Variants in CFAP74 observed in about 807,000 individuals in gnomAD.
The protein encoded by CFAP74 is cilia and flagella associated protein 74.
A neutral mutation model predicts 188.9 loss-of-function variants in CFAP74; 124 were observed. The ratio of observed to expected loss-of-function variants is 0.66; its 90% CI spans 0.57 to 0.76. The LOEUF (loss-of-function observed/expected upper bound fraction) is 0.76. CFAP74 is among the 30% of genes least tolerant of loss of function. The pLI is 0.00. For synonymous variants in CFAP74, 956 were observed against 916.7 expected (o/e 1.04, Z -0.77); for missense variants, 2,198 against 2,165.2 (o/e 1.02, Z -0.30).
intron 10 of CFAP74, 93 bp downstream of exon 10, chr1:1,970,566 C>T (rs1655879260): frequency 2.2e-6 from 3 of 1,395,260 alleles, no homozygotes; most frequent in South Asian, 1.4e-5. Flanking sequence ...GAGAGAGCAG[C>T]TTTGCTCAAT....
chr1:1,968,913 C>T lies in CFAP74; in HGVS notation c.1047-80G>A. 2.2e-6 allele frequency: 3 copies of T among 1,354,890 alleles called. No individual in the cohort carries two copies. The highest frequency in any genetic ancestry group is 3.1e-6 in the Non-Finnish European group (3 of 971,718). The allele number at this position is 1,354,890 out of a possible 1,614,324, so 83.9% of individuals were successfully genotyped here. ...CCCAGATGAGACAGTGCCCGGCGGC[C>T]CCTCCCTAGCGCCCTCCTGGGGGCT... On this transcript the variant is annotated intron_variant, in intron 10 of 38. Coordinates refer to ENST00000682832, the MANE Select transcript of CFAP74 (RefSeq NM_001304360.2). The surrounding 1 kb of genome is among the most constrained non-coding windows in gnomAD (Gnocchi z 4.3).
At chr1:1,955,309 C>T (rs1050517579) in intron 18 of CFAP74, 116 of 1,254,588 alleles carry the variant, frequency 9.2e-5, no homozygotes, top group Non-Finnish European at 1.2e-4. Flanking sequence ...TTCTCGGCAC[C>T]TCTCCCCGCT....
chr1:2,001,172 C>A (rs1218494677), intron 1 of CFAP74, among the ~76,000 whole-genome samples: 1 of 152,084 alleles, frequency 6.6e-6, no homozygotes, highest in Non-Finnish European at 1.5e-5. Flanking sequence ...GAGGGCGGCC[C>A]CAGGTGTGGT....
chr1:1,930,103 G>A lies in CFAP74; in HGVS notation c.3245C>T (p.Pro1082Leu), dbSNP rs780959038. 22 of 1,534,412 alleles carry A rather than the reference G, an allele frequency of 1.4e-5. 2 individuals are homozygous for A. The South Asian group carries it at 2.1e-4, about 15-fold the overall frequency. The change falls in exon 26 of 39, where the codon CCT (proline) becomes CTT (leucine). Residue 1082 changes from proline to leucine, a missense_variant. Pro to Leu is a moderately conservative substitution (Grantham distance 98). Transcript: ENST00000682832. ...SFEFLLPPDS[P>L]ITISPSVGTV... ...CCCCACTGAGGGCGAGATGGTGATA[G>A]GCGAGTCTGGGGGCAGCAGGAACTC...
At position 1,928,828 on chromosome 1, in the gene CFAP74, G is replaced by A; in HGVS notation, c.3343C>T (p.Gln1115Ter). 1 of 1,535,724 alleles carries A rather than the reference G, an allele frequency of 6.5e-7. No homozygotes were observed. The highest frequency in any genetic ancestry group is 2.4e-5 in the East Asian group (1 of 40,902). Reference sequence around the variant, plus strand: ...TTGTTCAGGAGTGGGAGGGCTTCCTGGCGGATCAGCTTCTCGGGCAGCACT... The same window carrying A: ...TTGTTCAGGAGTGGGAGGGCTTCCTAGCGGATCAGCTTCTCGGGCAGCACT... Reference protein sequence around the residue: ...RPVLPEKLIRQEALPLLNKEM... With the variant: ...RPVLPEKLIR Residue 1115 changes from glutamine to a stop codon, truncating the protein, a stop_gained, in exon 27 of 39, where the codon CAG (glutamine) becomes TAG (stop). Transcript: ENST00000682832. LOFTEE classifies it high-confidence loss of function.
chr1:1,983,373 C>T (rs1053820387), intron 6 of CFAP74, among the ~76,000 whole-genome samples: 3 of 152,206 alleles, frequency 2.0e-5, no homozygotes, highest in African/African-American at 4.8e-5. Context: ...AAGAAGCCAG[C>T]GGCCCCACAG....
At chr1:1,964,698 G>C (rs1194887817) in intron 13 of CFAP74, among the ~76,000 whole-genome samples, 190 bp downstream of exon 13, 1 of 152,266 alleles carries the variant, frequency 6.6e-6, no homozygotes, top group Non-Finnish European at 1.5e-5. Context: ...GCTGAGGCAG[G>C]AGAATCGCTT....
In CFAP74 at chr1:1,922,343, C is replaced by A; in HGVS notation, c.4864G>T (p.Asp1622Tyr). 1 of 1,601,936 alleles carries A rather than the reference C, an allele frequency of 6.2e-7. No individual in the cohort carries two copies. ...MVSALLQLRG[D>Y]VKETYKVIFV... ...ATGACCTTGTAGGTCTCCTTCACAT[C>A]CCCCCTTAGCTGCAGCAGGGCCGAC... Residue 1622 changes from aspartate (D) to tyrosine (Y), a missense_variant, in exon 39 of 39, where the codon GAT becomes TAT. By Grantham distance (160) the Asp-to-Tyr change is radical. Transcript: ENST00000682832.
In CFAP74 at chr1:1,961,464, G is replaced by A. The variant is rs527900613; in HGVS notation, c.1695-1434C>T. ...TCCCACTCCAGCAACAAGAGGCAGA[G>A]GGCAGGAGAGTGGTGGCCTCAACCT... On this transcript the variant is annotated intron_variant, in intron 14 of 38. Transcript: ENST00000682832. Among the ~76,000 whole-genome samples, 4 of 152,316 alleles carry A rather than the reference G, an allele frequency of 2.6e-5. No homozygotes were observed. The East Asian group carries it at 7.7e-4, about 29-fold the overall frequency.
At position 1,966,451 on chromosome 1, in the gene CFAP74, G is replaced by A. The variant is rs754420662; in HGVS notation, c.1321C>T (p.Pro441Ser). ...GTTTCCTCCTCTGAGCTGGCCCCGG[G>A]GTCCCCCTGGATAAGCTCACTGGAA... is the stretch of plus-strand genomic sequence containing the variant. ...VVSSELIQGDPGASSEEETLA... is the reference protein window; with the variant it reads ...VVSSELIQGDSGASSEEETLA... The change falls in exon 12 of 39, where the codon CCC becomes TCC. Residue 441 changes from proline (P) to serine (S), a missense_variant. Transcript: ENST00000682832. 2 of 1,606,620 alleles carry A rather than the reference G, an allele frequency of 1.2e-6. No homozygotes were observed. The highest frequency in any genetic ancestry group is 2.3e-5 in the East Asian group (1 of 44,220).
In CFAP74 at chr1:1,963,841, C is replaced by T; in HGVS notation, c.1602G>A (p.Lys534=). The T allele has an allele frequency of 6.2e-7, 1 of 1,613,696 alleles. No individual in the cohort carries two copies. Among genetic ancestry groups the T allele is most frequent in the Non-Finnish European group, 8.5e-7 (1 of 1,179,798 alleles). The change falls in exon 14 of 39, where the codon AAG becomes AAA. Residue 534 remains lysine (K), a synonymous_variant. Transcript: ENST00000682832. ...TGGTGTTTACCAACGTGATCTTTTT[C>T]TTGTACACTTTGCCAATATCAAAGT... ...FQDFDIGKVY[K]KKITLVNTTY...
At chr1:1,950,942 C>A (rs77070454) in intron 18 of CFAP74, among the ~76,000 whole-genome samples, 2,050 of 152,206 alleles carry the variant, frequency 0.013, 41 homozygotes, top group African/African-American at 0.047. Context: ...TATTTTTAGG[C>A]TTAACTTTTA....
At chr1:1,926,796 G>A in intron 29 of CFAP74, 35 bp from the exon 30 acceptor site, 1 of 1,546,996 alleles carries the variant, frequency 6.5e-7, no homozygotes, top group Non-Finnish European at 8.7e-7. Context: ...GGCAGGGTGG[G>A]CGGCCCCCTG....
At chr1:1,970,131 G>A (rs1389676091) in intron 10 of CFAP74, among the ~76,000 whole-genome samples, 4 of 147,628 alleles carry the variant, frequency 2.7e-5, no homozygotes, top group African/African-American at 8.1e-5. Context: ...GAGAAGAACA[G>A]AGAGTGAAGC....
chr1:1,949,842 CT>C (rs1377868734), intron 18 of CFAP74, among the ~76,000 whole-genome samples: 1 of 152,242 alleles, frequency 6.6e-6, no homozygotes, highest in African/African-American at 2.4e-5. Context: ...GGCACTGCCT[CT>C]ATCAAAGGTT....
At chr1:1,934,728 TAC>T (rs1652721941) in intron 25 of CFAP74, among the ~76,000 whole-genome samples, 1 of 134,612 alleles carries the variant, frequency 7.4e-6, no homozygotes. Context: ...AGGCTGTAGG[TAC>T]ACACGTGTGT....
chr1:1,951,808 C>G (rs918117782), intron 18 of CFAP74, among the ~76,000 whole-genome samples: 1 of 152,062 alleles, frequency 6.6e-6, no homozygotes, highest in South Asian at 2.1e-4. Flanking sequence ...CAGTGGCTCA[C>G]GCCTGTAATC....
At chr1:1,978,105 C>T (rs1295430820) in intron 6 of CFAP74, among the ~76,000 whole-genome samples, 1 of 152,252 alleles carries the variant, frequency 6.6e-6, no homozygotes. Context: ...ACCTTGGCCT[C>T]CCAAAGTGTT....
rs181760641 is a variant in CFAP74 at position 1,959,967 on chromosome 1, C to G, written c.1758G>C (p.Pro586=). 1 of 1,589,278 alleles carries G rather than the reference C, an allele frequency of 6.3e-7. No homozygotes were observed. Among genetic ancestry groups the G allele is most frequent in the African/African-American group, 1.4e-5 (1 of 72,698 alleles). ...MSCEVLVTFK[P]MINKDLEGNI... Reference sequence around the variant, plus strand: ...AGAACGGGCCCCTCTGACTCACCATCGGCTTGAAGGTGACAAGCACTTCAC... The same window carrying G: ...AGAACGGGCCCCTCTGACTCACCATGGGCTTGAAGGTGACAAGCACTTCAC... The change falls in exon 15 of 39, where the codon CCG becomes CCC. Residue 586 remains proline (P), a synonymous_variant. Transcript: ENST00000682832.
Sources: allele counts gnomAD v4.1 joint callset (sites outside exome capture counted in the v4.1 genomes callset), GRCh38; gene constraint gnomAD v4.1.1; non-coding constraint Gnocchi (gnomAD v3.1); transcripts MANE v1.5; gene names NCBI Gene and HGNC (gene_info 2026-07-23, HGNC 2026-07-21).